Variants in ORC4 observed in about 807,000 individuals in gnomAD.
The protein encoded by ORC4 is origin recognition complex, subunit 4 homolog.
Under a neutral mutation model 63.9 loss-of-function variants are expected in ORC4, and 55 were observed. That is an observed-to-expected ratio of 0.86 (90% CI 0.69 to 1.08). The LOEUF (loss-of-function observed/expected upper bound fraction) is 1.08, where lower values mean the gene tolerates loss of function less well. Among genes scored for constraint, ORC4 ranks in the 50% least tolerant of loss-of-function variants. ORC4 has a pLI of 0.00. For missense variants in ORC4, 511 were observed against 504.4 expected, an observed-to-expected ratio of 1.01 and a Z score of -0.13; for synonymous variants, 150 against 168.5, an observed-to-expected ratio of 0.89 and a Z score of 0.85.
intron 11 of ORC4, among the ~76,000 whole-genome samples, chr2:147,938,829 A>C (rs1047459507): frequency 6.6e-6 from 1 of 152,126 alleles, no homozygotes; most frequent in Non-Finnish European, 1.5e-5. Flanking sequence ...TTACATTTGG[A>C]AAAGGAAATA....
chr2:147,957,370 G>A (rs1689322708), intron 6 of ORC4, among the ~76,000 whole-genome samples: 2 of 151,680 alleles, frequency 1.3e-5, no homozygotes, highest in South Asian at 4.1e-4. Flanking sequence ...AAAGCACACA[G>A]TTCAGAAATT....
intron 7 of ORC4, among the ~76,000 whole-genome samples, chr2:147,952,951 AG>A (rs1191191237): frequency 1.3e-5 from 2 of 151,658 alleles, no homozygotes; most frequent in African/African-American, 4.8e-5. Context: ...GCTTGAACCC[AG>A]GAGGCAGAGG....
intron 6 of ORC4, among the ~76,000 whole-genome samples, chr2:147,956,142 C>T (rs763174986): frequency 2.0e-5 from 3 of 151,952 alleles, no homozygotes; most frequent in Non-Finnish European, 4.4e-5. Flanking sequence ...CTAAAAGAAA[C>T]AGCCAACTTT....
Position 147,932,389 on chromosome 2 carries a change from T to C in ORC4, c.*3121A>G, listed in dbSNP as rs1398194804. 1 of 152,060 alleles carries C rather than the reference T, an allele frequency of 6.6e-6. No homozygotes were observed. Among genetic ancestry groups the C allele is most frequent in the Non-Finnish European group, 1.5e-5 (1 of 68,014 alleles). The allele number at this position is 152,060 out of a possible 1,614,324, so 9.4% of individuals were successfully genotyped here. On this transcript the variant is annotated 3_prime_UTR_variant, in exon 14 of 14. Transcript: ENST00000392857. ...AAAATGGCCATACTGCCCAAGGTAA[T>C]TTACAGATTCAATGCCATCCCCATC...
intron 1 of ORC4, among the ~76,000 whole-genome samples, chr2:147,999,001 T>C (rs1049345348): frequency 1.3e-5 from 2 of 152,224 alleles, no homozygotes; most frequent in Non-Finnish European, 2.9e-5. Context: ...CTTCAACTCA[T>C]GTCTTATTTT....
chr2:148,003,815 C>G (rs942031511), intron 1 of ORC4, among the ~76,000 whole-genome samples: 1 of 152,128 alleles, frequency 6.6e-6, no homozygotes, highest in Admixed American at 6.5e-5. Context: ...GAGAGGAAGT[C>G]AAATTGTCTG....
Position 148,014,826 on chromosome 2 carries a change from A to G in ORC4, c.-18+5807T>C, listed in dbSNP as rs1345748382. Among the ~76,000 whole-genome samples the G allele has an allele frequency of 2.0e-5, 3 of 152,184 alleles. 1 individual carries two copies. The highest frequency in any genetic ancestry group is 4.4e-5 in the Non-Finnish European group (3 of 68,034). ...GGAGGATGTGTGTAGGCCGTATGCA[A>G]ACATGATGGCATGTTATATAAGGAA... On this transcript the variant is annotated intron_variant, in intron 1 of 13. Transcript: ENST00000392857.
At chr2:147,950,593 C>T (rs991957616) in intron 8 of ORC4, among the ~76,000 whole-genome samples, 1 of 151,862 alleles carries the variant, frequency 6.6e-6, no homozygotes, top group African/African-American at 2.4e-5. Flanking sequence ...GGTGAAACCC[C>T]ATCTCTACTA....
intron 1 of ORC4, among the ~76,000 whole-genome samples, chr2:148,006,206 T>C (rs1356607706): frequency 6.6e-6 from 1 of 152,158 alleles, no homozygotes; most frequent in Non-Finnish European, 1.5e-5. Context: ...GACTTTGCGC[T>C]GGAACTCAGT....
chr2:147,958,926 G>C, intron 4 of ORC4, 60 bp from the exon 5 acceptor site: 1 of 730,832 alleles, frequency 1.4e-6, no homozygotes, highest in Non-Finnish European at 2.4e-6. Context: ...GTCCATATTC[G>C]TTTTTAAACT....
At chr2:147,993,741 C>A (rs1419824286) in intron 1 of ORC4, among the ~76,000 whole-genome samples, 1 of 152,132 alleles carries the variant, frequency 6.6e-6, no homozygotes, top group Non-Finnish European at 1.5e-5. Flanking sequence ...AAAAAGACAG[C>A]ATTATATGGC....
Position 147,958,867 on chromosome 2 carries a change from C to G in ORC4, c.226-1G>C, listed in dbSNP as rs1443322466. ...GTTCTTTCAAAGCATGATTTATTAA[C>G]TAAATATGAAAAGTTTATGAAATAA... On this transcript the variant is annotated splice_acceptor_variant, in intron 4 of 13. Coordinates refer to ENST00000392857, the MANE Select transcript of ORC4 (RefSeq NM_181741.4). LOFTEE classifies it high-confidence loss of function. 8.5e-7 allele frequency: 1 copy of G among 1,181,436 alleles called. No individual in the cohort carries two copies. 73.2% of individuals were successfully genotyped at this position (1,181,436 alleles called of 1,614,324 possible).
At chr2:147,957,577 C>T (rs1018531621) in intron 6 of ORC4, among the ~76,000 whole-genome samples, 2 of 152,086 alleles carry the variant, frequency 1.3e-5, no homozygotes, top group African/African-American at 4.8e-5. Flanking sequence ...AGTTTCAAAA[C>T]ATTTCAAGTC....
At chr2:147,953,615 A>G (rs1307714856) in intron 7 of ORC4, among the ~76,000 whole-genome samples, 1 of 152,226 alleles carries the variant, frequency 6.6e-6, no homozygotes, top group Non-Finnish European at 1.5e-5. Flanking sequence ...TGTAGATTAT[A>G]AAGTTCAACT....
intron 8 of ORC4, among the ~76,000 whole-genome samples, chr2:147,951,084 G>A (rs1407089066): frequency 1.3e-5 from 2 of 151,988 alleles, no homozygotes; most frequent in Non-Finnish European, 2.9e-5. Flanking sequence ...TGTATCATAA[G>A]CTCTAGAGCA....
intron 4 of ORC4, among the ~76,000 whole-genome samples, chr2:147,966,322 A>T (rs1244949341): frequency 1.3e-5 from 2 of 152,016 alleles, no homozygotes; most frequent in African/African-American, 2.4e-5. Flanking sequence ...GAAAAATTTT[A>T]AATTAAAAAA....
intron 1 of ORC4, among the ~76,000 whole-genome samples, chr2:148,020,405 C>A (rs555608728): frequency 7.2e-5 from 11 of 152,300 alleles, no homozygotes; most frequent in African/African-American, 2.6e-4. Context: ...GATCCCTGCA[C>A]TTGTCAAGGA....
upstream of ORC4, chr2:148,021,390 C>G (rs1207745843): frequency 6.0e-6 from 3 of 497,382 alleles, no homozygotes; most frequent in African/African-American, 5.9e-5. Flanking sequence ...CCACCCTCCT[C>G]CTCTTTGGCC....
At chr2:147,989,294 T>C (rs1470596208) in intron 1 of ORC4, among the ~76,000 whole-genome samples, 1 of 152,054 alleles carries the variant, frequency 6.6e-6, no homozygotes, top group Non-Finnish European at 1.5e-5. Flanking sequence ...GGGTGGAGTA[T>C]GGGGGCATAA....
Sources: gnomAD v4.1 joint callset for allele counts (sites outside exome capture counted in the v4.1 genomes callset) on GRCh38, gnomAD v4.1.1 for gene constraint, MANE v1.5 for transcripts, NCBI Gene and HGNC (gene_info 2026-07-23, HGNC 2026-07-21) for gene names.